LPP: variants seen among roughly 807,000 people sequenced by gnomAD.
LPP encodes LIM domain containing preferred translocation partner in lipoma, also known as lipoma-preferred partner.
Under a neutral mutation model 60.4 loss-of-function variants are expected in LPP, and 38 were observed. The ratio of observed to expected loss-of-function variants is 0.63; its 90% CI spans 0.49 to 0.83. The LOEUF (loss-of-function observed/expected upper bound fraction) is 0.83. LPP is among the 40% of genes least tolerant of loss of function. The pLI is 0.00. For synonymous variants in LPP, 328 were observed against 290.8 expected, an observed-to-expected ratio of 1.13 and a Z score of -1.30; for missense variants, 902 against 783.6, an observed-to-expected ratio of 1.15 and a Z score of -1.80.
intron 6 of LPP, among the ~76,000 whole-genome samples, chr3:188,540,366 C>G (rs569554597): frequency 1.3e-5 from 2 of 152,270 alleles, no homozygotes; most frequent in East Asian, 3.9e-4. Context: ...TGATGATATA[C>G]AACCCAATTA....
chr3:188,193,333 C>A (rs1728689493), intron 1 of LPP, among the ~76,000 whole-genome samples: 1 of 152,174 alleles, frequency 6.6e-6, no homozygotes, highest in African/African-American at 2.4e-5. Context: ...GCTAGATTGC[C>A]TAGATTCAGT....
intron 2 of LPP, among the ~76,000 whole-genome samples, chr3:188,306,240 C>G (rs1201658594): frequency 2.8e-5 from 4 of 144,256 alleles, no homozygotes; most frequent in Non-Finnish European, 6.0e-5. Context: ...ACCACCATGT[C>G]CAGCTAATTT....
At chr3:188,492,089 G>A (rs954497557) in intron 5 of LPP, among the ~76,000 whole-genome samples, 6 of 151,932 alleles carry the variant, frequency 3.9e-5, no homozygotes, top group East Asian at 1.9e-4. Context: ...TTAACTGCTC[G>A]ACAAAAAAAA....
Position 188,299,173 on chromosome 3 carries a change from A to G in LPP, c.-66-42490A>G, listed in dbSNP as rs927214470. On this transcript the variant is annotated intron_variant, in intron 2 of 11. Transcript: ENST00000617246. The stretch of plus-strand genomic sequence containing the variant: ...CCACTTTTCCTTCACACAGCCTCGG[A>G]CTCTCCCTGGGCTTTTTTGTGTGTG... 3.3e-5 allele frequency among the ~76,000 whole-genome samples: 5 copies of G among 151,850 alleles called. No individual in the cohort carries two copies. The South Asian group carries it at 6.2e-4, about 19-fold the overall frequency.
intron 6 of LPP, among the ~76,000 whole-genome samples, chr3:188,566,383 T>G (rs905046293): frequency 6.6e-6 from 1 of 151,974 alleles, no homozygotes; most frequent in Non-Finnish European, 1.5e-5. Context: ...TGATGGGAAC[T>G]GTGTCATATT....
intron 8 of LPP, among the ~76,000 whole-genome samples, chr3:188,736,985 A>C (rs183369585): frequency 6.6e-6 from 1 of 152,206 alleles, no homozygotes; most frequent in East Asian, 1.9e-4. Flanking sequence ...AAATACATTA[A>C]ATTTGTATAT....
rs532433719 is a variant in LPP at position 188,187,509 on chromosome 3, T to A, written c.-190+33257T>A. ...TTATTTCTTAAAATTTTAGGCTGTA[T>A]TTTGTTTTTGTTGAGAGAAAAAATT... On this transcript the variant is annotated intron_variant, in intron 1 of 11. Coordinates refer to ENST00000617246, the MANE Select transcript of LPP (RefSeq NM_001375462.1). 8.5e-5 allele frequency among the ~76,000 whole-genome samples: 13 copies of A among 152,220 alleles called. No homozygotes were observed. In the East Asian group the frequency reaches 2.5e-3, roughly 29 times the overall value.
chr3:188,477,413 A>G (rs527278322), intron 4 of LPP, among the ~76,000 whole-genome samples: 1 of 152,330 alleles, frequency 6.6e-6, no homozygotes, highest in East Asian at 1.9e-4. Context: ...AAGAGCTTGA[A>G]AAGGTTTCGT....
At chr3:188,780,276 G>A (rs2150847626) in intron 9 of LPP, among the ~76,000 whole-genome samples, 1 of 152,220 alleles carries the variant, frequency 6.6e-6, no homozygotes, top group African/African-American at 2.4e-5. Flanking sequence ...GTGTTTCCAG[G>A]AGCTCTGAGA....
intron 5 of LPP, among the ~76,000 whole-genome samples, chr3:188,508,017 T>G (rs1223257104): frequency 6.6e-6 from 1 of 152,230 alleles, no homozygotes; most frequent in Non-Finnish European, 1.5e-5. Flanking sequence ...TGATTTGATC[T>G]GTATTTAGAT....
chr3:188,365,278 G>T (rs1770792707), intron 3 of LPP, among the ~76,000 whole-genome samples: 1 of 152,082 alleles, frequency 6.6e-6, no homozygotes, highest in African/African-American at 2.4e-5. Flanking sequence ...TTATATTCTG[G>T]GCAGTAGAAG....
chr3:188,293,360 G>A (rs765346884), intron 2 of LPP, among the ~76,000 whole-genome samples: 10 of 152,222 alleles, frequency 6.6e-5, no homozygotes, highest in Non-Finnish European at 2.9e-5. Flanking sequence ...CCACAATCTA[G>A]CTATATCATG....
intron 5 of LPP, among the ~76,000 whole-genome samples, chr3:188,509,685 C>CT (rs1553917066): frequency 7.1e-4 from 1 of 1,418 alleles, no homozygotes; most frequent in East Asian, 0.036. Flanking sequence ...TTCCTTCCTT[C>CT]CTCTCTCTCT....
chr3:188,790,345 T>G (rs1452919474), intron 9 of LPP, among the ~76,000 whole-genome samples: 3 of 151,990 alleles, frequency 2.0e-5, no homozygotes, highest in Non-Finnish European at 4.4e-5. Flanking sequence ...GTGTGTGGTG[T>G]GTGCGTGTGT....
At chr3:188,385,107 A>G (rs1446745864) in intron 3 of LPP, among the ~76,000 whole-genome samples, 2 of 151,876 alleles carry the variant, frequency 1.3e-5, no homozygotes, top group Non-Finnish European at 2.9e-5. Context: ...GCTGAAATGT[A>G]ACTCCTTGAT....
chr3:188,204,079 A>C (rs1318534477), intron 1 of LPP, among the ~76,000 whole-genome samples: 3 of 152,138 alleles, frequency 2.0e-5, no homozygotes, highest in Non-Finnish European at 4.4e-5. Flanking sequence ...ACCATACCCC[A>C]ATCAGAAAAC....
chr3:188,668,199 T>C (rs1389050117), intron 7 of LPP, among the ~76,000 whole-genome samples: 4 of 152,206 alleles, frequency 2.6e-5, no homozygotes, highest in Non-Finnish European at 5.9e-5. Context: ...TAGATTCTGT[T>C]CTTCCAAATG....
intron 6 of LPP, among the ~76,000 whole-genome samples, chr3:188,548,912 T>C (rs1200946391): frequency 6.6e-6 from 1 of 152,180 alleles, no homozygotes; most frequent in Non-Finnish European, 1.5e-5. Context: ...GGAATCAAAA[T>C]TACATCTAGG....
chr3:188,499,958 T>C (rs544639901), intron 5 of LPP, among the ~76,000 whole-genome samples: 2 of 152,184 alleles, frequency 1.3e-5, no homozygotes, highest in Non-Finnish European at 2.9e-5. Flanking sequence ...GTAGTAACTT[T>C]ATATGCTCTA....
Sources: allele counts gnomAD v4.1 joint callset (sites outside exome capture counted in the v4.1 genomes callset), GRCh38; gene constraint gnomAD v4.1.1; transcripts MANE v1.5; gene names NCBI Gene and HGNC (gene_info 2026-07-23, HGNC 2026-07-21).